The following SNTG1 variants were observed in gnomAD, a reference collection of about 807,000 sequenced individuals.
SNTG1 encodes the protein syntrophin gamma 1, also known as gamma-1-syntrophin.
In SNTG1, 39 loss-of-function variants were observed where a neutral mutation model predicts 74.7. The observed-to-expected ratio is 0.52, with a 90% confidence interval of 0.40 to 0.68. The LOEUF (loss-of-function observed/expected upper bound fraction) is 0.68. Ranked by LOEUF, SNTG1 falls within the 30% of genes least tolerant of loss-of-function variation. The probability of loss-of-function intolerance (pLI) is 0.00; values close to 1 mark genes in which losing one functional copy is unlikely to be tolerated. For missense variants in SNTG1, 685 were observed against 609.5 expected, an observed-to-expected ratio of 1.12 and a Z score of -1.30; for synonymous variants, 254 against 217.1, an observed-to-expected ratio of 1.17 and a Z score of -1.49.
chr8:50,438,008 C>G (rs2093321897), intron 4 of SNTG1, among the ~76,000 whole-genome samples: 3 of 152,114 alleles, frequency 2.0e-5, no homozygotes, highest in African/African-American at 7.2e-5. Flanking sequence ...ATTTTATGAA[C>G]AAGCAATTAG....
At chr8:50,261,844 G>C (rs1032453845) in intron 2 of SNTG1, among the ~76,000 whole-genome samples, 2 of 151,988 alleles carry the variant, frequency 1.3e-5, no homozygotes, top group Admixed American at 1.3e-4. Flanking sequence ...ATAGAAGGCT[G>C]AAAAAGAGTG....
At chr8:50,227,396 T>C (rs1051332743) in intron 2 of SNTG1, among the ~76,000 whole-genome samples, 1 of 152,120 alleles carries the variant, frequency 6.6e-6, no homozygotes, top group East Asian at 1.9e-4. Context: ...GAAACAGGTC[T>C]TGAGAAATCT....
intron 17 of SNTG1, among the ~76,000 whole-genome samples, chr8:50,709,905 A>G (rs763362306): frequency 6.6e-6 from 1 of 152,194 alleles, no homozygotes; most frequent in Non-Finnish European, 1.5e-5. Flanking sequence ...ACCAGAACAC[A>G]CATATTTTAT....
At chr8:50,433,843 C>A (rs1193891907) in intron 4 of SNTG1, among the ~76,000 whole-genome samples, 5 of 152,136 alleles carry the variant, frequency 3.3e-5, no homozygotes, top group Non-Finnish European at 7.4e-5. Flanking sequence ...CTTCAATAAA[C>A]AATTCTAAGT....
At chr8:49,968,573 G>C (rs868398914) in intron 1 of SNTG1, among the ~76,000 whole-genome samples, 6 of 152,104 alleles carry the variant, frequency 3.9e-5, no homozygotes, top group Admixed American at 1.3e-4. Flanking sequence ...AAGTTTCCAG[G>C]TTTCTACATG....
At chr8:50,431,397 A>G (rs371837559) in intron 4 of SNTG1, among the ~76,000 whole-genome samples, 7 of 152,338 alleles carry the variant, frequency 4.6e-5, no homozygotes, top group South Asian at 2.1e-4. Context: ...AAATTATTCA[A>G]TACTTCACTG....
chr8:50,681,066 C>T (rs1194717960), intron 15 of SNTG1, among the ~76,000 whole-genome samples: 3 of 152,000 alleles, frequency 2.0e-5, no homozygotes, highest in Admixed American at 6.6e-5. Context: ...AGATTAAATG[C>T]CATAGAAAAT....
chr8:50,594,942 A>T (rs749783772), intron 13 of SNTG1, among the ~76,000 whole-genome samples: 1 of 148,328 alleles, frequency 6.7e-6, no homozygotes, highest in Non-Finnish European at 1.5e-5. Flanking sequence ...GTTGGCTTAC[A>T]TAATAATGAT....
chr8:50,591,789 C>A (rs1259500742), intron 13 of SNTG1, among the ~76,000 whole-genome samples: 1 of 152,198 alleles, frequency 6.6e-6, no homozygotes, highest in East Asian at 1.9e-4. Context: ...GTCTACAATG[C>A]TCTGATTAGT....
At chr8:50,191,725 C>T (rs2083586277) in intron 2 of SNTG1, among the ~76,000 whole-genome samples, 1 of 152,060 alleles carries the variant, frequency 6.6e-6, no homozygotes, top group South Asian at 2.1e-4. Context: ...TCTACCTCCC[C>T]TTTCTCCTCA....
chr8:50,423,209 G>C (rs1386845081), intron 4 of SNTG1, among the ~76,000 whole-genome samples: 1 of 152,164 alleles, frequency 6.6e-6, no homozygotes, highest in Non-Finnish European at 1.5e-5. Context: ...GGAGATACAA[G>C]GAAAATCTTC....
intron 8 of SNTG1, among the ~76,000 whole-genome samples, chr8:50,481,377 T>C (rs2093739236): frequency 6.6e-6 from 1 of 152,138 alleles, no homozygotes; most frequent in Admixed American, 6.6e-5. Context: ...TGAGACTCCA[T>C]CTCAAAAACA....
At position 50,014,660 on chromosome 8, in the gene SNTG1, C is replaced by T. The variant is rs185268780; in HGVS notation, c.-103+102429C>T. ...ACATGGACTCACATACAGATCCCCA[C>T]GGCAAAGGATAGAGGATCTATAGGC... is the stretch of plus-strand genomic sequence containing the variant. On this transcript the variant is annotated intron_variant, in intron 1 of 18. Coordinates refer to ENST00000642720, the MANE Select transcript of SNTG1 (RefSeq NM_018967.5). Among the ~76,000 whole-genome samples, 133 of 152,134 alleles carry T rather than the reference C, an allele frequency of 8.7e-4. 2 individuals are homozygous for T. The South Asian group carries it at 0.022, about 26-fold the overall frequency.
chr8:50,353,969 C>T (rs1217449293), intron 2 of SNTG1, among the ~76,000 whole-genome samples: 1 of 152,178 alleles, frequency 6.6e-6, no homozygotes, highest in Non-Finnish European at 1.5e-5. Flanking sequence ...TAGTTTGTAC[C>T]TGGCTCTCAG....
intron 8 of SNTG1, among the ~76,000 whole-genome samples, chr8:50,499,132 G>T (rs2093929185): frequency 6.6e-6 from 1 of 151,616 alleles, no homozygotes; most frequent in South Asian, 2.1e-4. Flanking sequence ...TTTAATAACA[G>T]TTTGTCAATT....
At chr8:50,017,855 A>G (rs1223313562) in intron 1 of SNTG1, among the ~76,000 whole-genome samples, 2 of 152,026 alleles carry the variant, frequency 1.3e-5, no homozygotes, top group Non-Finnish European at 2.9e-5. Context: ...TGGATAAAAC[A>G]TCTACGCAGA....
intron 2 of SNTG1, among the ~76,000 whole-genome samples, chr8:50,274,236 G>A (rs1475946352): frequency 6.6e-6 from 1 of 151,920 alleles, no homozygotes; most frequent in Non-Finnish European, 1.5e-5. Context: ...ACAGATGCAG[G>A]CCACCATGCC....
chr8:50,454,631 C>T (rs1171838946), intron 8 of SNTG1, among the ~76,000 whole-genome samples: 2 of 152,060 alleles, frequency 1.3e-5, no homozygotes, highest in Non-Finnish European at 2.9e-5. Flanking sequence ...CACTTGAGGC[C>T]AAGGGTTCCA....
At chr8:50,078,161 A>C (rs142683148) in intron 1 of SNTG1, among the ~76,000 whole-genome samples, 194 of 152,326 alleles carry the variant, frequency 1.3e-3, no homozygotes, top group African/African-American at 4.4e-3. Flanking sequence ...AGAGAATACA[A>C]CACTATCTTG....
Sources: gnomAD v4.1 joint callset for allele counts (sites outside exome capture counted in the v4.1 genomes callset) on GRCh38, gnomAD v4.1.1 for gene constraint, MANE v1.5 for transcripts, NCBI Gene and HGNC (gene_info 2026-07-23, HGNC 2026-07-21) for gene names.